Variants in ASPH observed in about 807,000 individuals in gnomAD.
ASPH encodes the protein aspartate beta-hydroxylase, also known as aspartyl/asparaginyl beta-hydroxylase.
A neutral mutation model predicts 118.4 loss-of-function variants in ASPH; 100 were observed. The observed-to-expected ratio is 0.84, with a 90% CI of 0.72 to 1.00. ASPH has a LOEUF of 1.00. Ranked by LOEUF, ASPH falls within the 50% of genes least tolerant of loss-of-function variation. ASPH has a pLI of 0.00. For missense variants in ASPH, 920 were observed against 919.5 expected, an observed-to-expected ratio of 1.00 and a Z score of -0.01; for synonymous variants, 315 against 325.6, an observed-to-expected ratio of 0.97 and a Z score of 0.35.
At chr8:61,552,425 A>G (rs1826345504) in intron 20 of ASPH, among the ~76,000 whole-genome samples, 1 of 152,208 alleles carries the variant, frequency 6.6e-6, no homozygotes, top group South Asian at 2.1e-4. Context: ...TAGCTACTAC[A>G]TTTTTTGTGT....
intron 13 of ASPH, among the ~76,000 whole-genome samples, chr8:61,629,578 G>T (rs1854623614): frequency 6.6e-6 from 1 of 152,194 alleles, no homozygotes; most frequent in African/African-American, 2.4e-5. Context: ...CCACATGCTT[G>T]CCAAGAATCC....
At chr8:61,542,365 G>T (rs1187389012) in intron 21 of ASPH, among the ~76,000 whole-genome samples, 2 of 151,928 alleles carry the variant, frequency 1.3e-5, no homozygotes, top group Admixed American at 1.3e-4. Context: ...TTACCTTGTT[G>T]TTAATTTTAC....
At chr8:61,577,675 T>A (rs558467288) in intron 15 of ASPH, among the ~76,000 whole-genome samples, 1 of 152,168 alleles carries the variant, frequency 6.6e-6, no homozygotes, top group African/African-American at 2.4e-5. Context: ...AGGACCCTCC[T>A]GACATGGTGG....
At chr8:61,619,498 A>T (rs1850155526) in intron 13 of ASPH, among the ~76,000 whole-genome samples, 1 of 152,214 alleles carries the variant, frequency 6.6e-6, no homozygotes, top group African/African-American at 2.4e-5. Context: ...GACTTCACAT[A>T]TACACAGATG....
At chr8:61,607,721 C>T (rs1846038368) in intron 14 of ASPH, among the ~76,000 whole-genome samples, 1 of 152,084 alleles carries the variant, frequency 6.6e-6, no homozygotes, top group Admixed American at 6.6e-5. Flanking sequence ...GTACAAAGCA[C>T]AGCTAAGTCC....
chr8:61,675,313 C>T (rs1254027513), intron 3 of ASPH: 1 of 913,342 alleles, frequency 1.1e-6, no homozygotes, highest in Non-Finnish European at 1.3e-6. Flanking sequence ...TCACATGTTC[C>T]CTCTTGTGTA....
At chr8:61,651,679 A>G (rs549768215) in intron 4 of ASPH, among the ~76,000 whole-genome samples, 10 of 152,358 alleles carry the variant, frequency 6.6e-5, no homozygotes, top group African/African-American at 2.4e-4. Context: ...AAAACCTTAC[A>G]TTGTAACTGA....
intron 3 of ASPH, chr8:61,675,590 A>T (rs1273337997): frequency 1.0e-6 from 1 of 980,342 alleles, no homozygotes. Context: ...TTAGTAAAGA[A>T]CCATCATTTT....
At chr8:61,695,401 A>AC (rs990947625) in intron 1 of ASPH, among the ~76,000 whole-genome samples, 5 of 151,800 alleles carry the variant, frequency 3.3e-5, no homozygotes, top group East Asian at 1.9e-4. Context: ...GTGTTGTGTC[A>AC]CCCCCCTAGC....
chr8:61,703,273 A>T (rs1161550602), intron 1 of ASPH, among the ~76,000 whole-genome samples: 1 of 152,216 alleles, frequency 6.6e-6, no homozygotes, highest in Non-Finnish European at 1.5e-5. Context: ...GGTATTCAAC[A>T]TGATACTGGA....
At chr8:61,560,727 C>T (rs1829506691) in intron 18 of ASPH, among the ~76,000 whole-genome samples, 1 of 151,762 alleles carries the variant, frequency 6.6e-6, no homozygotes, top group Admixed American at 6.6e-5. Context: ...TTTTATTTTT[C>T]GGGATGAAGT....
At chr8:61,584,787 G>A (rs149583161) in intron 14 of ASPH, among the ~76,000 whole-genome samples, 9 of 151,858 alleles carry the variant, frequency 5.9e-5, no homozygotes, top group African/African-American at 2.2e-4. Context: ...GGGGTTATAG[G>A]CATGAGCCAC....
intron 22 of ASPH, 71 bp from the exon 23 acceptor site, chr8:61,518,194 G>T: frequency 2.2e-6 from 3 of 1,359,278 alleles, no homozygotes; most frequent in Non-Finnish European, 2.1e-6. Context: ...TAGATGAGGT[G>T]AGAGCTATAT....
At chr8:61,580,177 A>G (rs1837034266) in intron 15 of ASPH, among the ~76,000 whole-genome samples, 1 of 152,098 alleles carries the variant, frequency 6.6e-6, no homozygotes, top group South Asian at 2.1e-4. Flanking sequence ...CGGCTTTTCC[A>G]GGCACACAGT....
rs1829674169 is a variant in ASPH, at chr8:61,561,075, AG to A, written c.1437+1668del. ...AGAAGGAAGGAACGAAGGAAGGGAGAGAGGGAGGGAGGGAGGGAGGGAGAGA... is the reference window on the plus strand; with the variant it reads ...AGAAGGAAGGAACGAAGGAAGGGAGAAGGGAGGGAGGGAGGGAGGGAGAGA... On this transcript the variant is annotated intron_variant, in intron 18 of 24. Transcript: ENST00000379454. Among the ~76,000 whole-genome samples, 4 of 77,938 alleles carry A rather than the reference AG, an allele frequency of 5.1e-5. No homozygotes were observed. The South Asian group carries it at 1.8e-3, about 36-fold the overall frequency. The allele number at this position is 77,938 out of a possible 152,430, so 51.1% of individuals were successfully genotyped here.
chr8:61,670,414 T>C (rs1821859899), intron 3 of ASPH, among the ~76,000 whole-genome samples: 2 of 151,952 alleles, frequency 1.3e-5, no homozygotes, highest in South Asian at 4.1e-4. Context: ...TCTAAGGTTC[T>C]TCAGAATACA....
intron 3 of ASPH, among the ~76,000 whole-genome samples, chr8:61,654,287 G>A (rs1316170295): frequency 6.6e-6 from 1 of 152,218 alleles, no homozygotes; most frequent in Middle Eastern, 3.4e-3. Flanking sequence ...TTAAAGTCAA[G>A]GCCAGTCTAA....
Position 61,630,044 on chromosome 8 carries a change from C to T in ASPH, c.934+3639G>A, listed in dbSNP as rs180888031. ...CAGAACGTGCTTAGCAGAGCGCCTA[C>T]ATAATGCTTAATAAACATGAAATTC... On this transcript the variant is annotated intron_variant, in intron 13 of 24. Transcript: ENST00000379454. Among the ~76,000 whole-genome samples the T allele has an allele frequency of 7.2e-5, 11 of 152,286 alleles. No individual in the cohort carries two copies. The East Asian group carries it at 2.1e-3, about 29-fold the overall frequency.
chr8:61,527,160 A>C (rs1327782424), intron 21 of ASPH, among the ~76,000 whole-genome samples: 3 of 152,234 alleles, frequency 2.0e-5, no homozygotes, highest in Non-Finnish European at 4.4e-5. Flanking sequence ...TAGGTTACAA[A>C]CCAAAAAACA....
Sources: gnomAD v4.1 joint callset for allele counts (sites outside exome capture counted in the v4.1 genomes callset) on GRCh38, gnomAD v4.1.1 for gene constraint, MANE v1.5 for transcripts, NCBI Gene and HGNC (gene_info 2026-07-23, HGNC 2026-07-21) for gene names.